The following GAP43 variants were observed in gnomAD, a reference collection of about 807,000 sequenced individuals.
GAP43 encodes neuromodulin.
In GAP43, 6 loss-of-function variants were observed where a neutral mutation model predicts 18.6. That is an observed-to-expected ratio of 0.32 (90% CI 0.18 to 0.64). The LOEUF (loss-of-function observed/expected upper bound fraction) is 0.64, where lower values mean the gene tolerates loss of function less well. Ranked by LOEUF, GAP43 falls within the 30% of genes least tolerant of loss-of-function variation. GAP43 has a pLI of 0.78. For synonymous variants in GAP43, 115 were observed against 111.4 expected (o/e 1.03, Z -0.20); for missense variants, 292 against 295.5 (o/e 0.99, Z 0.09).
intron 2 of GAP43, among the ~76,000 whole-genome samples, chr3:115,683,145 G>GCGCGCGCA (rs1553723499): frequency 9.5e-6 from 1 of 105,486 alleles, no homozygotes; most frequent in African/African-American, 3.3e-5. Context: ...GCGCGCGCGC[G>GCGCGCGCA]CGCACACACA....
chr3:115,712,915 G>A (rs577575804), intron 2 of GAP43, among the ~76,000 whole-genome samples: 80 of 152,272 alleles, frequency 5.3e-4, no homozygotes, highest in Non-Finnish European at 1.0e-3. Flanking sequence ...TCTCTTTTAA[G>A]TGCTTGGAAA....
At chr3:115,662,099 G>T (rs1161606707) in intron 1 of GAP43, among the ~76,000 whole-genome samples, 1 of 152,088 alleles carries the variant, frequency 6.6e-6, no homozygotes, top group Non-Finnish European at 1.5e-5. Flanking sequence ...GACTAAGGAA[G>T]AGAGCTTCTT....
Position 115,714,873 on chromosome 3 carries a change from GCACA to G in GAP43, c.629-5900_629-5897del, listed in dbSNP as rs111292409. ...ACTACATAGATACACGTGTGCGCGT[GCACA>G]CACACACACACACACACACATACAG... On this transcript the variant is annotated intron_variant, in intron 2 of 2. Coordinates refer to ENST00000305124, the MANE Select transcript of GAP43 (RefSeq NM_002045.4). Among the ~76,000 whole-genome samples, 336 of 150,476 alleles carry G rather than the reference GCACA, an allele frequency of 2.2e-3. 1 individual carries two copies. The highest frequency in any genetic ancestry group is 7.9e-3 in the African/African-American group (324 of 41,034).
At chr3:115,686,630 A>C (rs994694049) in intron 2 of GAP43, among the ~76,000 whole-genome samples, 3 of 152,234 alleles carry the variant, frequency 2.0e-5, no homozygotes, top group Non-Finnish European at 4.4e-5. Context: ...TAAAATTCTC[A>C]AATCTTGGAA....
chr3:115,716,773 G>C (rs569905507), intron 2 of GAP43, among the ~76,000 whole-genome samples: 6 of 122,006 alleles, frequency 4.9e-5, no homozygotes, highest in African/African-American at 1.2e-4. Flanking sequence ...TATATACAGA[G>C]AGAGAGAGAG....
intron 1 of GAP43, among the ~76,000 whole-genome samples, chr3:115,625,375 A>C (rs557706127): frequency 6.6e-6 from 1 of 152,090 alleles, no homozygotes; most frequent in Non-Finnish European, 1.5e-5. Context: ...TTATCAAACC[A>C]GGGCATTTTC....
chr3:115,709,498 G>A (rs1296858471), intron 2 of GAP43, among the ~76,000 whole-genome samples: 1 of 152,130 alleles, frequency 6.6e-6, no homozygotes, highest in Non-Finnish European at 1.5e-5. Flanking sequence ...AATTACTGAT[G>A]TGTTTCTTGT....
intron 1 of GAP43, among the ~76,000 whole-genome samples, chr3:115,639,894 T>C (rs971491413): frequency 6.6e-6 from 1 of 152,080 alleles, no homozygotes; most frequent in Non-Finnish European, 1.5e-5. Flanking sequence ...TGCAAGAATA[T>C]TTAAGAGAAT....
intron 1 of GAP43, among the ~76,000 whole-genome samples, chr3:115,633,700 A>C (rs974516428): frequency 4.6e-5 from 7 of 152,172 alleles, no homozygotes; most frequent in African/African-American, 1.7e-4. Context: ...GATGACAGAC[A>C]CTGGGTTTTC....
intron 2 of GAP43, among the ~76,000 whole-genome samples, chr3:115,689,719 A>G (rs556658747): frequency 3.2e-4 from 49 of 152,282 alleles, no homozygotes; most frequent in African/African-American, 1.0e-3. Context: ...GTGGATAGAG[A>G]TTCTTTACTT....
intron 1 of GAP43, among the ~76,000 whole-genome samples, chr3:115,670,117 G>C (rs1198968804): frequency 3.7e-5 from 5 of 135,616 alleles, no homozygotes; most frequent in African/African-American, 1.1e-4. Flanking sequence ...TCTAGCATTA[G>C]GTATATCTCC....
At chr3:115,625,361 C>T (rs112527992) in intron 1 of GAP43, among the ~76,000 whole-genome samples, 69 of 152,156 alleles carry the variant, frequency 4.5e-4, no homozygotes, top group African/African-American at 1.5e-3. Context: ...TCCATTGGCT[C>T]ATTTTATCAA....
intron 2 of GAP43, among the ~76,000 whole-genome samples, chr3:115,720,059 T>C (rs749139246): frequency 2.0e-5 from 3 of 152,220 alleles, no homozygotes; most frequent in Non-Finnish European, 4.4e-5. Flanking sequence ...AAAACTATTA[T>C]ATTACAATGC....
chr3:115,707,025 A>G (rs1709373342), intron 2 of GAP43, among the ~76,000 whole-genome samples: 1 of 152,202 alleles, frequency 6.6e-6, no homozygotes. Flanking sequence ...ATACATTTTG[A>G]TTACCTATAT....
intron 2 of GAP43, among the ~76,000 whole-genome samples, chr3:115,716,692 T>C (rs1709505532): frequency 8.6e-6 from 1 of 115,864 alleles, no homozygotes; most frequent in Non-Finnish European, 1.7e-5. Flanking sequence ...TAATATCAAG[T>C]AAAAAATTAC....
At chr3:115,708,652 G>A (rs555553064) in intron 2 of GAP43, among the ~76,000 whole-genome samples, 1 of 152,304 alleles carries the variant, frequency 6.6e-6, no homozygotes, top group South Asian at 2.1e-4. Context: ...AAAAGCAAGG[G>A]TACTGGAGTG....
intron 1 of GAP43, among the ~76,000 whole-genome samples, chr3:115,629,936 A>G (rs932363522): frequency 6.6e-6 from 1 of 152,194 alleles, no homozygotes; most frequent in African/African-American, 2.4e-5. Flanking sequence ...TATAGACATG[A>G]CAGCCATCAG....
chr3:115,663,811 C>T (rs754725718), intron 1 of GAP43: 72 of 1,551,690 alleles, frequency 4.6e-5, no homozygotes, highest in South Asian at 2.0e-4. Flanking sequence ...TATGCCACCC[C>T]GCACTCCACT....
At chr3:115,706,722 G>A (rs551846874) in intron 2 of GAP43, among the ~76,000 whole-genome samples, 9 of 152,088 alleles carry the variant, frequency 5.9e-5, no homozygotes, top group Middle Eastern at 3.4e-3. Context: ...CTTCAAAGCC[G>A]TTTTCAAAAA....
Sources: allele counts gnomAD v4.1 joint callset (sites outside exome capture counted in the v4.1 genomes callset), GRCh38; gene constraint gnomAD v4.1.1; transcripts MANE v1.5; gene names NCBI Gene and HGNC (gene_info 2026-07-23, HGNC 2026-07-21).